Variants in TENT5B observed in about 807,000 individuals in gnomAD.
The protein encoded by TENT5B is family with sequence similarity 46 member B.
Under a neutral mutation model 21.7 loss-of-function variants are expected in TENT5B, and 12 were observed. The ratio of observed to expected loss-of-function variants is 0.55; its 90% CI spans 0.36 to 0.90. The LOEUF (loss-of-function observed/expected upper bound fraction) is 0.90, where lower values mean the gene tolerates loss of function less well. Among genes scored for constraint, TENT5B ranks in the 40% least tolerant of loss-of-function variants. The probability of loss-of-function intolerance (pLI) is 0.01; values close to 1 mark genes in which losing one functional copy is unlikely to be tolerated. For synonymous variants in TENT5B, 262 were observed against 266.6 expected (o/e 0.98, Z 0.17); for missense variants, 540 against 601.5 (o/e 0.90, Z 1.07).
At position 27,006,229 on chromosome 1, in the gene TENT5B, G is replaced by T. The variant is rs371947912; in HGVS notation, c.993C>A (p.Phe331Leu). ...RTLERYLEAH[F>L]GGADAARRYA... is the part of the protein sequence containing the mutation. The stretch of plus-strand genomic sequence containing the variant: ...AACGGCGGGCTGCATCTGCCCCACC[G>T]AAGTGGGCCTCCAGGTAGCGCTCTA... Residue 331 changes from phenylalanine (F) to leucine (L), a missense_variant, in exon 2 of 2, where the codon TTC (phenylalanine) becomes TTA (leucine). Physicochemically the swap from Phe to Leu is conservative, Grantham distance 22. Coordinates refer to ENST00000289166, the MANE Select transcript of TENT5B (RefSeq NM_052943.4). This position sits in a 1 kb window ranked among gnomAD's most constrained non-coding sequence, Gnocchi z 9.4. The T allele has an allele frequency of 2.5e-6, 4 of 1,610,716 alleles. No individual in the cohort carries two copies. The African/African-American group carries it at 4.0e-5, about 16-fold the overall frequency.
Position 27,005,983 on chromosome 1 carries a change from G to A in TENT5B, c.1239C>T (p.Leu413=), listed in dbSNP as rs1247777435. ...VNYYVTPVQP[L]LAHAYPTWLP... ...GCCAGGTGGGATAGGCGTGAGCCAG[G>A]AGAGGTTGCACGGGGGTCACGTAGT... Residue 413 remains leucine (L), a synonymous_variant, in exon 2 of 2, where the codon CTC becomes CTT. Transcript: ENST00000289166. 22 of 1,590,382 alleles carry A rather than the reference G, an allele frequency of 1.4e-5. No individual in the cohort carries two copies. The highest frequency in any genetic ancestry group is 4.0e-5 in the African/African-American group (3 of 74,632).
In TENT5B at chr1:27,012,764, G is replaced by A. The variant is rs985027463; in HGVS notation, c.-94C>T. 3 of 1,347,046 alleles carry A rather than the reference G, an allele frequency of 2.2e-6. No homozygotes were observed. Among genetic ancestry groups the A allele is most frequent in the South Asian group, 1.7e-5 (1 of 59,046 alleles). The allele number at this position is 1,347,046 out of a possible 1,614,324, so 83.4% of individuals were successfully genotyped here. A position where few individuals can be genotyped will look rare whatever the true frequency, so the allele number is the denominator to read the frequency against. Reference sequence around the variant, plus strand: ...GGCTGGGCAGGGGCCAAGGCGGGGGGCACGAAGGCAGGGACGGGGCGGCAA... The same window carrying A: ...GGCTGGGCAGGGGCCAAGGCGGGGGACACGAAGGCAGGGACGGGGCGGCAA... On this transcript the variant is annotated 5_prime_UTR_variant, in exon 1 of 2. Coordinates refer to ENST00000289166, the MANE Select transcript of TENT5B (RefSeq NM_052943.4).
At chr1:27,010,642 CAACA>C (rs576805304) in intron 1 of TENT5B, among the ~76,000 whole-genome samples, 1 of 152,192 alleles carries the variant, frequency 6.6e-6, no homozygotes, top group Non-Finnish European at 1.5e-5. Context: ...AGAGAATTGA[CAACA>C]AACAGTCCAG....
Position 27,006,935 on chromosome 1 carries a change from T to A in TENT5B, c.287A>T (p.Glu96Val). Reference protein sequence around the residue: ...IVQVVRSTLEEQGLHVHSVRL... With the variant: ...IVQVVRSTLEVQGLHVHSVRL... ...CACACTGTGCACATGTAGTCCCTGC[T>A]CCTCCAGGGTGCTGCGGACCACCTG... The change falls in exon 2 of 2, where the codon GAG becomes GTG. Residue 96 changes from glutamate to valine, a missense_variant. By Grantham distance (121) the Glu-to-Val change is moderately radical (BLOSUM62 -2). Coordinates refer to ENST00000289166, the MANE Select transcript of TENT5B (RefSeq NM_052943.4). The surrounding 1 kb of genome is among the most constrained non-coding windows in gnomAD (Gnocchi z 9.4). 6.3e-7 allele frequency: 1 copy of A among 1,593,874 alleles called. No homozygotes were observed. Among genetic ancestry groups the A allele is most frequent in the Non-Finnish European group, 8.6e-7 (1 of 1,166,662 alleles).
chr1:27,007,599 C>G (rs2082606882), intron 1 of TENT5B, among the ~76,000 whole-genome samples: 1 of 152,010 alleles, frequency 6.6e-6, no homozygotes. Context: ...ACCATCTTGG[C>G]CAGGCTGGTC....
chr1:27,006,344 C>G lies in TENT5B; in HGVS notation c.878G>C (p.Arg293Pro), dbSNP rs374661808. The G allele has an allele frequency of 1.2e-6, 2 of 1,610,798 alleles. No individual in the cohort carries two copies. The highest frequency in any genetic ancestry group is 2.2e-5 in the South Asian group (2 of 90,854). The part of the protein sequence containing the change: ...CHLLVRGFRP[R>P]PSTDVRALQR... ...CAGGGCGCGCACATCGGTGCTGGGC[C>G]GGGGCCGGAAGCCCCGCACCAGGAG... The change falls in exon 2 of 2, where the codon CGG becomes CCG. Residue 293 changes from arginine to proline, a missense_variant. Coordinates refer to ENST00000289166, the MANE Select transcript of TENT5B (RefSeq NM_052943.4). This position sits in a 1 kb window ranked among gnomAD's most constrained non-coding sequence, Gnocchi z 9.4.
chr1:27,006,624 C>A lies in TENT5B; in HGVS notation c.598G>T (p.Val200Leu). ...ISLSNKSGKNVELKFVDSVRR... is the reference protein window; with the variant it reads ...ISLSNKSGKNLELKFVDSVRR... ...ACCGAGTCCACAAACTTGAGCTCCA[C>A]GTTCTTGCCGCTCTTGTTGGACAGT... The change falls in exon 2 of 2, where the codon GTG (valine) becomes TTG (leucine). Residue 200 changes from valine (V) to leucine (L), a missense_variant. Val to Leu is a conservative substitution (Grantham distance 32). Coordinates refer to ENST00000289166, the MANE Select transcript of TENT5B (RefSeq NM_052943.4). This position sits in a 1 kb window ranked among gnomAD's most constrained non-coding sequence, Gnocchi z 9.4. The A allele has an allele frequency of 1.9e-6, 3 of 1,614,186 alleles. No homozygotes were observed. Among genetic ancestry groups the A allele is most frequent in the Non-Finnish European group, 2.5e-6 (3 of 1,180,046 alleles).
In TENT5B at chr1:27,006,183, G is replaced by A. The variant is rs1477728016; in HGVS notation, c.1039C>T (p.His347Tyr). ...ARRYACLVTL[H>Y]RVVNESTVCL... Reference sequence around the variant, plus strand: ...ACGGTGCTCTCGTTGACCACCCGGTGCAGTGTCACCAGGCAGGCGTAACGG... The same window carrying A: ...ACGGTGCTCTCGTTGACCACCCGGTACAGTGTCACCAGGCAGGCGTAACGG... Residue 347 changes from histidine to tyrosine, a missense_variant, in exon 2 of 2, where the codon CAC becomes TAC. By Grantham distance (83) the His-to-Tyr change is moderately conservative. Coordinates refer to ENST00000289166, the MANE Select transcript of TENT5B (RefSeq NM_052943.4). The surrounding 1 kb of genome is among the most constrained non-coding windows in gnomAD (Gnocchi z 9.4). The A allele has an allele frequency of 5.0e-6, 8 of 1,612,120 alleles. No homozygotes were observed. Among genetic ancestry groups the A allele is most frequent in the Non-Finnish European group, 6.8e-6 (8 of 1,179,478 alleles).
chr1:27,009,490 C>T (rs1327026424), intron 1 of TENT5B, among the ~76,000 whole-genome samples: 1 of 152,228 alleles, frequency 6.6e-6, no homozygotes, highest in African/African-American at 2.4e-5. Context: ...AAGCCCAGAG[C>T]CAGAATAGTT....
At position 27,012,418 on chromosome 1, in the gene TENT5B, G is replaced by C. The variant is rs1232364877; in HGVS notation, c.253C>G (p.Gln85Glu). 1 of 1,612,680 alleles carries C rather than the reference G, an allele frequency of 6.2e-7. No individual in the cohort carries two copies. Among genetic ancestry groups the C allele is most frequent in the Admixed American group, 1.7e-5 (1 of 59,924 alleles). ...NFPTLSVQPR[Q>E]IVQVVRSTLE... Reference sequence around the variant, plus strand: ...TGGCGTCCTCTCACCTGCACGATCTGCCGGGGCTGCACGCTCAGCGTGGGG... The same window carrying C: ...TGGCGTCCTCTCACCTGCACGATCTCCCGGGGCTGCACGCTCAGCGTGGGG... The change falls in exon 1 of 2, where the codon CAG becomes GAG. Residue 85 changes from glutamine to glutamate, a missense_variant. By Grantham distance (29) the Gln-to-Glu change is conservative (BLOSUM62 2). Transcript: ENST00000289166.
At chr1:27,011,946 G>A (rs1460083128) in intron 1 of TENT5B, among the ~76,000 whole-genome samples, 1 of 152,190 alleles carries the variant, frequency 6.6e-6, no homozygotes, top group Non-Finnish European at 1.5e-5. Flanking sequence ...GCAAAAGGCT[G>A]TAGGAGCACA....
chr1:27,007,252 A>G (rs1324725844), intron 1 of TENT5B, among the ~76,000 whole-genome samples: 2 of 152,098 alleles, frequency 1.3e-5, no homozygotes, highest in Non-Finnish European at 2.9e-5. Context: ...AGGTCACTTA[A>G]TCCTCACAAT....
intron 1 of TENT5B, among the ~76,000 whole-genome samples, chr1:27,012,023 G>A (rs979373126): frequency 6.6e-6 from 1 of 152,144 alleles, no homozygotes; most frequent in African/African-American, 2.4e-5. Flanking sequence ...TGCCCAGATA[G>A]GGAAGGAAAA....
Position 27,006,868 on chromosome 1 carries a change from C to A in TENT5B, c.354G>T (p.Glu118Asp), listed in dbSNP as rs1186392854. Residue 118 changes from glutamate to aspartate, a missense_variant, in exon 2 of 2, where the codon GAG becomes GAT. Glu to Asp is a conservative substitution (Grantham distance 45). Transcript: ENST00000289166. This position sits in a 1 kb window ranked among gnomAD's most constrained non-coding sequence, Gnocchi z 9.4. Reference sequence around the variant, plus strand: ...CCAGATCCTTGTAGCCCAGGCCACTCTCAGGGTGCAGCACGTGGCTGGCAG... The same window carrying A: ...CCAGATCCTTGTAGCCCAGGCCACTATCAGGGTGCAGCACGTGGCTGGCAG... Reference protein sequence around the residue: ...GSAASHVLHPESGLGYKDLDL... With the variant: ...GSAASHVLHPDSGLGYKDLDL... 1 of 1,613,998 alleles carries A rather than the reference C, an allele frequency of 6.2e-7. No homozygotes were observed. Among genetic ancestry groups the A allele is most frequent in the Non-Finnish European group, 8.5e-7 (1 of 1,180,026 alleles).
At position 27,006,232 on chromosome 1, in the gene TENT5B, G is replaced by A; in HGVS notation, c.990C>T (p.His330=). Residue 330 remains histidine (H), a synonymous_variant, in exon 2 of 2, where the codon CAC becomes CAT. Transcript: ENST00000289166. The surrounding 1 kb of genome is among the most constrained non-coding windows in gnomAD (Gnocchi z 9.4). ...RRTLERYLEA[H]FGGADAARRY... The stretch of plus-strand genomic sequence containing the variant: ...GGCGGGCTGCATCTGCCCCACCGAA[G>A]TGGGCCTCCAGGTAGCGCTCTAGGG... 6.2e-7 allele frequency: 1 copy of A among 1,611,608 alleles called. No homozygotes were observed. The highest frequency in any genetic ancestry group is 8.5e-7 in the Non-Finnish European group (1 of 1,179,390).
chr1:27,006,532 G>C lies in TENT5B; in HGVS notation c.690C>G (p.Gly230=). The C allele has an allele frequency of 3.1e-6, 5 of 1,614,170 alleles. No homozygotes were observed. Among genetic ancestry groups the C allele is most frequent in the Middle Eastern group, 1.6e-4 (1 of 6,062 alleles). The part of the protein sequence containing the change: ...QIILDSLLLF[G]QCSSTPMSEA... ...CAGACATGGGAGTGGACGAGCACTG[G>C]CCAAAGAGCAACAGGGAGTCCAGGA... The change falls in exon 2 of 2, where the codon GGC becomes GGG. Residue 230 remains glycine, a synonymous_variant. Transcript: ENST00000289166. This position sits in a 1 kb window ranked among gnomAD's most constrained non-coding sequence, Gnocchi z 9.4.
In TENT5B at chr1:27,006,967, A is replaced by C; in HGVS notation, c.265-10T>G. ...GGGTGCTGCGGACCACCTGCAGGGG[A>C]GAGCAGGAAGGAGAGGTGTCAGGAG... On this transcript the variant is annotated splice_polypyrimidine_tract_variant and intron_variant, in intron 1 of 1. Coordinates refer to ENST00000289166, the MANE Select transcript of TENT5B (RefSeq NM_052943.4). This position sits in a 1 kb window ranked among gnomAD's most constrained non-coding sequence, Gnocchi z 9.4. The C allele has an allele frequency of 1.9e-6, 3 of 1,563,182 alleles. No homozygotes were observed. The highest frequency in any genetic ancestry group is 2.6e-6 in the Non-Finnish European group (3 of 1,151,388).
In TENT5B at chr1:27,005,905, C is replaced by T. The variant is rs1466204759; in HGVS notation, c.*39G>A. On this transcript the variant is annotated 3_prime_UTR_variant, in exon 2 of 2. Transcript: ENST00000289166. ...CACTCTTGGAGGCCCCACCCCACCC[C>T]GTGAGGCCCAGTCCCTTCCCTTCTG... The T allele has an allele frequency of 4.6e-6, 7 of 1,515,632 alleles. No individual in the cohort carries two copies. The highest frequency in any genetic ancestry group is 1.8e-4 in the Middle Eastern group (1 of 5,478). The allele number at this position is 1,515,632 out of a possible 1,614,324, so 93.9% of individuals were successfully genotyped here. A position where few individuals can be genotyped will look rare whatever the true frequency, so the allele number is the denominator to read the frequency against.
intron 1 of TENT5B, among the ~76,000 whole-genome samples, chr1:27,008,977 CTTTTTTTTTTTTT>C (rs58360969): frequency 2.3e-4 from 7 of 30,980 alleles, no homozygotes; most frequent in East Asian, 3.0e-3. Context: ...CTCCATCCTT[CTTTTTTTTTTTTT>C]TTTTTTTTTT....
Sources: gnomAD v4.1 joint callset for allele counts (sites outside exome capture counted in the v4.1 genomes callset) on GRCh38, gnomAD v4.1.1 for gene constraint, Gnocchi (gnomAD v3.1) non-coding constraint, MANE v1.5 for transcripts, NCBI Gene and HGNC (gene_info 2026-07-23, HGNC 2026-07-21) for gene names.